Variants in CALCR observed in about 807,000 individuals in gnomAD.
CALCR encodes calcitonin receptor.
In CALCR, 47 loss-of-function variants were observed where a neutral mutation model predicts 59.5. The ratio of observed to expected loss-of-function variants is 0.79; its 90% CI spans 0.63 to 1.01. The LOEUF (loss-of-function observed/expected upper bound fraction) is 1.01, where lower values mean the gene tolerates loss of function less well. CALCR is among the 50% of genes least tolerant of loss of function. The pLI is 0.00. For missense variants in CALCR, 566 were observed against 597.1 expected (o/e 0.95, Z 0.54); for synonymous variants, 213 against 211.3 (o/e 1.01, Z -0.07).
intron 2 of CALCR, among the ~76,000 whole-genome samples, chr7:93,571,505 G>A (rs141538166): frequency 1.3e-5 from 2 of 151,542 alleles, no homozygotes; most frequent in African/African-American, 2.4e-5. Context: ...TTAAGGCACC[G>A]AGAAGTTACA....
chr7:93,429,926 G>GTTTTTTTTTT (rs370223680), intron 13 of CALCR, among the ~76,000 whole-genome samples: 38 of 101,428 alleles, frequency 3.7e-4, no homozygotes, highest in African/African-American at 6.3e-4. Flanking sequence ...TTTTTTTTTT[G>GTTTTTTTTTT]TTTGTTTGTT....
intron 2 of CALCR, among the ~76,000 whole-genome samples, chr7:93,535,173 A>T (rs1788953057): frequency 6.6e-6 from 1 of 151,714 alleles, no homozygotes; most frequent in Non-Finnish European, 1.5e-5. Context: ...ACTCACTATT[A>T]TTGAATCTTG....
At chr7:93,479,529 GTTAC>G (rs1562990275) in intron 3 of CALCR, 22 bp from the exon 4 acceptor site, 2 of 1,605,770 alleles carry the variant, frequency 1.2e-6, no homozygotes, top group South Asian at 1.1e-5. Flanking sequence ...AGAAAAATCA[GTTAC>G]TTATAGACAG....
chr7:93,442,815 A>C (rs1799935731), intron 9 of CALCR, among the ~76,000 whole-genome samples: 1 of 152,160 alleles, frequency 6.6e-6, no homozygotes, highest in South Asian at 2.1e-4. Flanking sequence ...CTGGTATGGA[A>C]GTTTCAAGGT....
At chr7:93,481,469 A>G (rs568532223) in intron 3 of CALCR, among the ~76,000 whole-genome samples, 2 of 151,976 alleles carry the variant, frequency 1.3e-5, no homozygotes, top group South Asian at 4.1e-4. Flanking sequence ...GGAAACAGTA[A>G]TAGTCAAATA....
chr7:93,443,679 A>G lies in CALCR; in HGVS notation c.727T>C (p.Tyr243His), dbSNP rs1160904580. Residue 243 changes from tyrosine (Y) to histidine (H), a missense_variant, in exon 9 of 14, where the codon TAT (tyrosine) becomes CAT (histidine). By Grantham distance (83) the Tyr-to-His change is moderately conservative. Transcript: ENST00000426151. ...GCCACGACAATGAGTGTATGAAGAT[A>G]GATCCCTTCACAGAGCATCCAGAAA... is the stretch of plus-strand genomic sequence containing the variant. ...NYFWMLCEGI[Y>H]LHTLIVVAVF... The G allele has an allele frequency of 6.2e-7, 1 of 1,613,344 alleles. No individual in the cohort carries two copies. Among genetic ancestry groups the G allele is most frequent in the Non-Finnish European group, 8.5e-7 (1 of 1,179,362 alleles).
chr7:93,452,933 A>G (rs568156542), intron 8 of CALCR, among the ~76,000 whole-genome samples: 1 of 152,030 alleles, frequency 6.6e-6, no homozygotes, highest in Non-Finnish European at 1.5e-5. Context: ...TGAGAGTCTT[A>G]TATCACTCTT....
At chr7:93,537,041 A>G (rs1409727893) in intron 2 of CALCR, among the ~76,000 whole-genome samples, 3 of 151,532 alleles carry the variant, frequency 2.0e-5, no homozygotes, top group Non-Finnish European at 4.4e-5. Context: ...AAATCTGGAT[A>G]AAGAACATAC....
At chr7:93,428,150 C>T (rs1396873126) in intron 13 of CALCR, among the ~76,000 whole-genome samples, 3 of 152,106 alleles carry the variant, frequency 2.0e-5, no homozygotes, top group Admixed American at 6.5e-5. Context: ...AAAAAAGCCA[C>T]GCAAGAACAA....
At chr7:93,432,789 T>G (rs1260347586) in intron 13 of CALCR, among the ~76,000 whole-genome samples, 1 of 152,166 alleles carries the variant, frequency 6.6e-6, no homozygotes, top group Non-Finnish European at 1.5e-5. Flanking sequence ...GACAAAAAAT[T>G]TATTTTGCAT....
chr7:93,439,479 G>T (rs1259513019), intron 9 of CALCR, among the ~76,000 whole-genome samples: 2 of 152,148 alleles, frequency 1.3e-5, no homozygotes, highest in African/African-American at 2.4e-5. Context: ...TCATCATTTT[G>T]TAGAAAGGAA....
chr7:93,482,233 A>G (rs1474153132), intron 3 of CALCR, among the ~76,000 whole-genome samples: 5 of 151,874 alleles, frequency 3.3e-5, no homozygotes, highest in African/African-American at 2.4e-5. Context: ...TCAATTACAT[A>G]TTAGGCAACC....
At chr7:93,574,531 CG>C (rs1790078899) in intron 1 of CALCR, 25 bp from the exon 2 acceptor site, 1 of 152,314 alleles carries the variant, frequency 6.6e-6, no homozygotes, top group African/African-American at 2.4e-5. Context: ...GAGCAAACTG[CG>C]TTAGTCTCAG....
At chr7:93,476,785 C>T (rs967095601) in intron 5 of CALCR, among the ~76,000 whole-genome samples, 4 of 151,808 alleles carry the variant, frequency 2.6e-5, no homozygotes, top group Non-Finnish European at 5.9e-5. Context: ...TCAATAAGGG[C>T]CTGAAGGATT....
chr7:93,487,363 C>T (rs1006983047), intron 2 of CALCR, among the ~76,000 whole-genome samples: 1 of 151,310 alleles, frequency 6.6e-6, no homozygotes, highest in African/African-American at 2.4e-5. Context: ...AGATGTCCAC[C>T]AAGAAGTCAC....
chr7:93,557,871 G>C (rs911178307), intron 2 of CALCR, among the ~76,000 whole-genome samples: 1 of 151,808 alleles, frequency 6.6e-6, no homozygotes, highest in East Asian at 1.9e-4. Context: ...ATCCTTTTCT[G>C]TGTCAGTACT....
chr7:93,444,576 T>C (rs867158185), intron 8 of CALCR, among the ~76,000 whole-genome samples: 3 of 152,046 alleles, frequency 2.0e-5, no homozygotes, highest in Non-Finnish European at 4.4e-5. Flanking sequence ...GTATAACTAA[T>C]TTCTATCCAC....
intron 8 of CALCR, among the ~76,000 whole-genome samples, chr7:93,445,074 G>C (rs1000258852): frequency 6.6e-6 from 1 of 152,064 alleles, no homozygotes; most frequent in Non-Finnish European, 1.5e-5. Context: ...GGAGAAGGCA[G>C]ATATGGCATT....
chr7:93,534,946 A>G (rs1788948118), intron 2 of CALCR, among the ~76,000 whole-genome samples: 1 of 151,736 alleles, frequency 6.6e-6, no homozygotes, highest in Non-Finnish European at 1.5e-5. Flanking sequence ...CAGTAGAGAG[A>G]CTGACTCTTA....
Sources: allele counts gnomAD v4.1 joint callset (sites outside exome capture counted in the v4.1 genomes callset), GRCh38; gene constraint gnomAD v4.1.1; transcripts MANE v1.5; gene names NCBI Gene and HGNC (gene_info 2026-07-23, HGNC 2026-07-21).